CCDC187: variants seen among roughly 807,000 people sequenced by gnomAD.
CCDC187 encodes the protein coiled-coil domain containing 187.
CCDC187 carries 32 observed loss-of-function variants against 38.0 expected under a neutral mutation model. The observed-to-expected ratio is 0.84, with a 90% CI of 0.64 to 1.13. The LOEUF is 1.13. Among genes scored for constraint, CCDC187 ranks in the 50% most tolerant of loss-of-function variants. The pLI is 0.00. For synonymous variants in CCDC187, 333 were observed against 347.9 expected, an observed-to-expected ratio of 0.96 and a Z score of 0.48; for missense variants, 707 against 786.8, an observed-to-expected ratio of 0.90 and a Z score of 1.21.
At chr9:136,293,197 ACACT>A (rs1466963842) in intron 4 of CCDC187, among the ~76,000 whole-genome samples, 168 of 149,082 alleles carry the variant, frequency 1.1e-3, no homozygotes, top group Non-Finnish European at 1.6e-3. Context: ...ACATGCTCAC[ACACT>A]CACAAACACA....
chr9:136,275,339 G>T (rs1830911277), intron 12 of CCDC187, among the ~76,000 whole-genome samples: 1 of 152,136 alleles, frequency 6.6e-6, no homozygotes, highest in Non-Finnish European at 1.5e-5. Flanking sequence ...AGGCACAGGA[G>T]GGGAGCAAAT....
chr9:136,281,610 T>G lies in CCDC187; in HGVS notation c.2981A>C (p.Glu994Ala), dbSNP rs1831044682. 1 of 398,494 alleles carries G rather than the reference T, an allele frequency of 2.5e-6. No homozygotes were observed. The highest frequency in any genetic ancestry group is 1.3e-4 in the South Asian group (1 of 7,860). 24.7% of individuals were successfully genotyped at this position (398,494 alleles called of 1,614,324 possible). A position where few individuals can be genotyped will look rare whatever the true frequency, so the allele number is the denominator to read the frequency against. Reference sequence around the variant, plus strand: ...TGCCCCTCCGACCGACGGCGTCTCCTCCAGTCCCAGGGAGCCCCAGATAGG... The same window carrying G: ...TGCCCCTCCGACCGACGGCGTCTCCGCCAGTCCCAGGGAGCCCCAGATAGG... ...LHPIWGSLGLEETPSVGGADS... is the reference protein window; with the variant it reads ...LHPIWGSLGLAETPSVGGADS... Residue 994 changes from glutamate (E) to alanine (A), a missense_variant, in exon 10 of 26, where the codon GAG (glutamate) becomes GCG (alanine). By Grantham distance (107) the Glu-to-Ala change is moderately radical. Transcript: ENST00000638797.
In CCDC187 at chr9:136,254,502, C is replaced by G; in HGVS notation, c.5326G>C (p.Gly1776Arg). 1 of 985,490 alleles carries G rather than the reference C, an allele frequency of 1.0e-6. No individual in the cohort carries two copies. Among genetic ancestry groups the G allele is most frequent in the Non-Finnish European group, 1.2e-6 (1 of 829,964 alleles). The allele number at this position is 985,490 out of a possible 1,614,324, so 61.0% of individuals were successfully genotyped here. A position where few individuals can be genotyped will look rare whatever the true frequency, so the allele number is the denominator to read the frequency against. Residue 1776 changes from glycine (G) to arginine (R), a missense_variant, in exon 26 of 26, where the codon GGG (glycine) becomes CGG (arginine). Gly to Arg is a moderately radical substitution (Grantham distance 125). Coordinates refer to ENST00000638797, the MANE Select transcript of CCDC187 (RefSeq NM_001378188.1). ...CEEDLPEPCT[G>R]AKPASGSSLP... ...GAGCTCCCCGAGGCTGGCTTGGCCC[C>G]GGTACAGGGTTCTGGCAGGTCCTCC...
rs914610423 is a variant in CCDC187 at position 136,275,476 on chromosome 9, G to A, written c.3226-469C>T. 1.2e-3 allele frequency among the ~76,000 whole-genome samples: 175 copies of A among 151,640 alleles called. No individual in the cohort carries two copies. The South Asian group carries it at 0.015, about 13-fold the overall frequency. ...CACACGTGCACACACACCCACACGC[G>A]TGCACACACCCACACGTGTGCACGC... On this transcript the variant is annotated intron_variant, in intron 12 of 25. Coordinates refer to ENST00000638797, the MANE Select transcript of CCDC187 (RefSeq NM_001378188.1).
rs1480363196 is a variant in CCDC187, at chr9:136,291,258, G to T, written c.1355C>A (p.Ser452Tyr). The T allele has an allele frequency of 2.5e-6, 1 of 398,696 alleles. No individual in the cohort carries two copies. The highest frequency in any genetic ancestry group is 4.4e-6 in the Non-Finnish European group (1 of 226,190). 24.7% of individuals were successfully genotyped at this position (398,696 alleles called of 1,614,324 possible). ...CGGACAGGACTCCCGTGCAGTGGAG[G>T]AGCTCCAGGGCTCCCAGGTGTGGAC... ...RSVHTWEPWS[S>Y]STARESCPQR... is the part of the protein sequence containing the mutation. The change falls in exon 6 of 26, where the codon TCC becomes TAC. Residue 452 changes from serine to tyrosine, a missense_variant. Coordinates refer to ENST00000638797, the MANE Select transcript of CCDC187 (RefSeq NM_001378188.1).
intron 24 of CCDC187, among the ~76,000 whole-genome samples, 175 bp downstream of exon 24, chr9:136,256,036 T>G (rs1292660615): frequency 6.6e-6 from 1 of 152,112 alleles, no homozygotes; most frequent in Non-Finnish European, 1.5e-5. Context: ...ACATTTTTAT[T>G]TCCAAAAGTG....
In CCDC187 at chr9:136,303,125, C is replaced by T. The variant is rs1343031885; in HGVS notation, c.312G>A (p.Pro104=). 4.8e-5 allele frequency: 19 copies of T among 398,538 alleles called. No individual in the cohort carries two copies. Among genetic ancestry groups the T allele is most frequent in the Non-Finnish European group, 7.5e-5 (17 of 226,082 alleles). The allele number at this position is 398,538 out of a possible 1,614,324, so 24.7% of individuals were successfully genotyped here. A position where few individuals can be genotyped will look rare whatever the true frequency, so the allele number is the denominator to read the frequency against. ...CCGAGCTGTCCCCATCCCTAGCCTC[C>T]GGGCCTGTGGACCACATGGGCAGGC... ...ACSLPMWSTG[P]EARDGDSSVS... The change falls in exon 2 of 26, where the codon CCG becomes CCA. Residue 104 remains proline (P), a synonymous_variant. Transcript: ENST00000638797.
At chr9:136,278,890 A>G (rs1470682559) in intron 10 of CCDC187, among the ~76,000 whole-genome samples, 3 of 152,356 alleles carry the variant, frequency 2.0e-5, no homozygotes, top group Admixed American at 6.5e-5. Flanking sequence ...TGGCTACCAT[A>G]TTGTACAACT....
chr9:136,274,199 T>A (rs566158457), intron 14 of CCDC187, among the ~76,000 whole-genome samples: 1 of 152,252 alleles, frequency 6.6e-6, no homozygotes, highest in Admixed American at 6.5e-5. Context: ...AGCCTGGAGG[T>A]CATGCCAGCT....
chr9:136,284,914 G>A (rs1382702649), intron 9 of CCDC187, among the ~76,000 whole-genome samples: 2 of 152,250 alleles, frequency 1.3e-5, no homozygotes, highest in East Asian at 3.9e-4. Context: ...AAGCCTGCTG[G>A]GCTCCGCTTC....
At chr9:136,270,368 A>T (rs1161098255) in intron 14 of CCDC187, among the ~76,000 whole-genome samples, 1 of 151,736 alleles carries the variant, frequency 6.6e-6, no homozygotes, top group African/African-American at 2.4e-5. Context: ...CAAGTGATTA[A>T]AAAGGTCAAG....
chr9:136,299,317 G>A (rs1831615560), intron 3 of CCDC187, among the ~76,000 whole-genome samples: 2 of 152,096 alleles, frequency 1.3e-5, no homozygotes, highest in Admixed American at 1.3e-4. Context: ...GCCTGCCTGT[G>A]GCTGCTGCCC....
intron 4 of CCDC187, among the ~76,000 whole-genome samples, chr9:136,297,424 A>G (rs1230670040): frequency 1.3e-5 from 2 of 152,158 alleles, no homozygotes; most frequent in African/African-American, 4.8e-5. Context: ...TGAGAGGACA[A>G]TAGTGCCTGG....
At chr9:136,301,673 G>C (rs905037755) in intron 2 of CCDC187, among the ~76,000 whole-genome samples, 2 of 141,906 alleles carry the variant, frequency 1.4e-5, no homozygotes, top group Admixed American at 7.6e-5. Flanking sequence ...TGCAAGCTCC[G>C]CCTCCTGGAT....
At chr9:136,296,366 C>T (rs2131343052) in intron 4 of CCDC187, 1 of 152,362 alleles carries the variant, frequency 6.6e-6, no homozygotes, top group East Asian at 1.9e-4. Flanking sequence ...CCCCAGAATC[C>T]ACGCCTGGAG....
rs1179967953 is a variant in CCDC187, at chr9:136,289,052, C to T, written c.2222+907G>A. Reference sequence around the variant, plus strand: ...GGCCACGAGGTTGTGAAGAAAAGGTCACCTGCCCACAGCCGGGCATTATTC... The same window carrying T: ...GGCCACGAGGTTGTGAAGAAAAGGTTACCTGCCCACAGCCGGGCATTATTC... On this transcript the variant is annotated intron_variant, in intron 7 of 25. Coordinates refer to ENST00000638797, the MANE Select transcript of CCDC187 (RefSeq NM_001378188.1). 2.0e-5 allele frequency among the ~76,000 whole-genome samples: 3 copies of T among 152,236 alleles called. No individual in the cohort carries two copies. In the South Asian group the frequency reaches 6.2e-4, roughly 32 times the overall value.
chr9:136,266,102 A>C (rs1830741359), intron 16 of CCDC187, 59 bp from the exon 17 acceptor site: 3 of 940,032 alleles, frequency 3.2e-6, no homozygotes, highest in Non-Finnish European at 3.8e-6. Context: ...TGGATATAGA[A>C]AGTCACAGAC....
chr9:136,261,184 C>T (rs966656894), intron 19 of CCDC187, among the ~76,000 whole-genome samples: 10 of 152,216 alleles, frequency 6.6e-5, no homozygotes, highest in East Asian at 3.9e-4. Context: ...AGACACACCC[C>T]GACCCCAAGG....
Position 136,291,571 on chromosome 9 carries a change from T to G in CCDC187, c.1042A>C (p.Ser348Arg), listed in dbSNP as rs1407183505. The G allele has an allele frequency of 2.5e-6, 1 of 398,808 alleles. No individual in the cohort carries two copies. The highest frequency in any genetic ancestry group is 4.4e-6 in the Non-Finnish European group (1 of 226,176). 24.7% of individuals were successfully genotyped at this position (398,808 alleles called of 1,614,324 possible). Residue 348 changes from serine (S) to arginine (R), a missense_variant, in exon 6 of 26, where the codon AGT becomes CGT. Ser to Arg is a moderately radical substitution (Grantham distance 110). Coordinates refer to ENST00000638797, the MANE Select transcript of CCDC187 (RefSeq NM_001378188.1). ...AQLPDATSAY[S>R]DQQVSGNTPS... is the part of the protein sequence containing the mutation. ...GTGTTCCCAGACACCTGCTGGTCAC[T>G]GTAGGCGGAGGTGGCATCGGGCAAC...
Sources: allele counts gnomAD v4.1 joint callset (sites outside exome capture counted in the v4.1 genomes callset), GRCh38; gene constraint gnomAD v4.1.1; transcripts MANE v1.5; gene names NCBI Gene and HGNC (gene_info 2026-07-23, HGNC 2026-07-21).